MTNR1B: variants seen among roughly 807,000 people sequenced by gnomAD.
MTNR1B encodes melatonin receptor 1B.
In MTNR1B, 7 loss-of-function variants were observed where a neutral mutation model predicts 7.0. That is an observed-to-expected ratio of 1.00 (90% CI 0.57 to 1.88). The LOEUF is 1.88. MTNR1B is among the 40% of genes most tolerant of loss of function. The pLI is 0.00. For missense variants in MTNR1B, 478 were observed against 486.5 expected, an observed-to-expected ratio of 0.98 and a Z score of 0.16; for synonymous variants, 226 against 208.2, an observed-to-expected ratio of 1.09 and a Z score of -0.74.
chr11:92,976,479 A>T (rs1858010476), intron 1 of MTNR1B, among the ~76,000 whole-genome samples: 1 of 152,108 alleles, frequency 6.6e-6, no homozygotes, highest in Admixed American at 6.5e-5. Flanking sequence ...AGTGCTTGTT[A>T]TATGCCAGAT....
At chr11:92,982,945 C>T (rs12285499), downstream of MTNR1B, among the ~76,000 whole-genome samples, 2 of 93,158 alleles carry the variant, frequency 2.1e-5, no homozygotes, top group African/African-American at 8.8e-5. Context: ...CACCCCCCCC[C>T]CCCACACACA....
chr11:92,979,022 AT>A (rs1308629012), intron 1 of MTNR1B, among the ~76,000 whole-genome samples: 1 of 152,136 alleles, frequency 6.6e-6, no homozygotes, highest in Non-Finnish European at 1.5e-5. Context: ...GAGAGAAGTG[AT>A]TCTCTTCACA....
At chr11:92,977,087 T>TA (rs1491392687) in intron 1 of MTNR1B, among the ~76,000 whole-genome samples, 2 of 152,240 alleles carry the variant, frequency 1.3e-5, no homozygotes, top group Non-Finnish European at 2.9e-5. Context: ...TAAAGCATCT[T>TA]AGTTATGTTT....
chr11:92,978,785 T>G (rs1404467970), intron 1 of MTNR1B, among the ~76,000 whole-genome samples: 8 of 152,220 alleles, frequency 5.3e-5, no homozygotes, highest in African/African-American at 1.7e-4. Context: ...GAATGTGTTC[T>G]TCTTACTATT....
Position 92,982,750 on chromosome 11 carries a change from G to A in MTNR1B, c.*438G>A, listed in dbSNP as rs12792653. The stretch of plus-strand genomic sequence containing the variant: ...TCAGTAGGACTGGAACTTGGTAACT[G>A]CAAGGGCCTCAGGTGGGGCAGGTGC... On this transcript the variant is annotated 3_prime_UTR_variant, in exon 2 of 2. Coordinates refer to ENST00000257068, the MANE Select transcript of MTNR1B (RefSeq NM_005959.5). The A allele has an allele frequency of 0.55, 112,688 of 204,720 alleles. 31,883 individuals carry two copies. The highest frequency in any genetic ancestry group is 0.69 in the South Asian group (6,389 of 9,252). 12.7% of individuals were successfully genotyped at this position (204,720 alleles called of 1,614,324 possible).
rs777351825 is a variant in MTNR1B, at chr11:92,981,672, G to A, written c.449G>A (p.Arg150Gln). 4.5e-5 allele frequency: 73 copies of A among 1,614,002 alleles called. No homozygotes were observed. The highest frequency in any genetic ancestry group is 5.6e-5 in the Non-Finnish European group (66 of 1,180,032). Residue 150 changes from arginine to glutamine, a missense_variant, in exon 2 of 2, where the codon CGA becomes CAA. Arg to Gln is a conservative substitution (Grantham distance 43, BLOSUM62 1). Coordinates refer to ENST00000257068, the MANE Select transcript of MTNR1B (RefSeq NM_005959.5). ...CYICHSMAYH[R>Q]IYRRWHTPLH... ...ATCTGCCACAGCATGGCCTACCACCGAATCTACCGGCGCTGGCACACCCCT... is the reference window on the plus strand; with the variant it reads ...ATCTGCCACAGCATGGCCTACCACCAAATCTACCGGCGCTGGCACACCCCT...
chr11:92,976,244 A>C (rs1225540099), intron 1 of MTNR1B, among the ~76,000 whole-genome samples: 1 of 152,178 alleles, frequency 6.6e-6, no homozygotes, highest in Non-Finnish European at 1.5e-5. Flanking sequence ...AATTTAAAAT[A>C]CTTACTGCTG....
rs763511406 is a variant in MTNR1B at position 92,982,247 on chromosome 11, G to C, written c.1024G>C (p.Ala342Pro). Residue 342 changes from alanine to proline, a missense_variant, in exon 2 of 2, where the codon GCG (alanine) becomes CCG (proline). By Grantham distance (27) the Ala-to-Pro change is conservative. Coordinates refer to ENST00000257068, the MANE Select transcript of MTNR1B (RefSeq NM_005959.5). ...CIQDASKGSH[A>P]EGLQSPAPPI... Reference sequence around the variant, plus strand: ...TCAAGATGCTTCCAAGGGCAGCCACGCGGAGGGGCTGCAGAGCCCAGCTCC... The same window carrying C: ...TCAAGATGCTTCCAAGGGCAGCCACCCGGAGGGGCTGCAGAGCCCAGCTCC... The C allele has an allele frequency of 2.5e-6, 4 of 1,614,174 alleles. No individual in the cohort carries two copies. The highest frequency in any genetic ancestry group is 3.4e-6 in the Non-Finnish European group (4 of 1,180,018).
At position 92,969,738 on chromosome 11, in the gene MTNR1B, G is replaced by A. The variant is rs765511848; in HGVS notation, c.13G>A (p.Gly5Ser). Residue 5 changes from glycine to serine, a missense_variant, in exon 1 of 2, where the codon GGC becomes AGC. Transcript: ENST00000257068. ...GGGAGAGTCTGCGATGTCAGAGAAC[G>A]GCTCCTTCGCCAACTGCTGCGAGGC... MSENGSFANCCEAGG... is the reference protein window; with the variant it reads MSENSSFANCCEAGG... 5 of 1,485,030 alleles carry A rather than the reference G, an allele frequency of 3.4e-6. No individual in the cohort carries two copies. Among genetic ancestry groups the A allele is most frequent in the Admixed American group, 2.1e-5 (1 of 47,614 alleles). 92.0% of individuals were successfully genotyped at this position (1,485,030 alleles called of 1,614,324 possible).
intron 1 of MTNR1B, 71 bp from the exon 2 acceptor site, chr11:92,981,376 G>A: frequency 6.5e-7 from 1 of 1,531,760 alleles, no homozygotes; most frequent in Admixed American, 2.0e-5. Context: ...TAACTTCGTG[G>A]AGGGTAGGAT....
chr11:92,979,896 T>C (rs1051677854), intron 1 of MTNR1B, among the ~76,000 whole-genome samples: 1 of 152,082 alleles, frequency 6.6e-6, no homozygotes, highest in African/African-American at 2.4e-5. Flanking sequence ...AGGCAGTCCT[T>C]TTCCTACCCT....
rs1858102089 is a variant in MTNR1B at position 92,981,527 on chromosome 11, T to G, written c.304T>G (p.Phe102Val). The G allele has an allele frequency of 6.2e-7, 1 of 1,614,176 alleles. No homozygotes were observed. Among genetic ancestry groups the G allele is most frequent in the Non-Finnish European group, 8.5e-7 (1 of 1,180,028 alleles). The change falls in exon 2 of 2, where the codon TTC (phenylalanine) becomes GTC (valine). Residue 102 changes from phenylalanine to valine, a missense_variant. Phe to Val is a conservative substitution (Grantham distance 50). Coordinates refer to ENST00000257068, the MANE Select transcript of MTNR1B (RefSeq NM_005959.5). ...YPYPLILVAIFYDGWALGEEH... is the reference protein window; with the variant it reads ...YPYPLILVAIVYDGWALGEEH... ...CTACCCGCTAATCCTCGTGGCCATC[T>G]TCTATGACGGCTGGGCCCTGGGGGA...
intron 1 of MTNR1B, among the ~76,000 whole-genome samples, chr11:92,976,025 A>G (rs938378075): frequency 3.9e-5 from 6 of 152,238 alleles, no homozygotes; most frequent in Non-Finnish European, 8.8e-5. Flanking sequence ...GCAAAAATGA[A>G]CAGTTTTTAA....
intron 1 of MTNR1B, among the ~76,000 whole-genome samples, chr11:92,977,495 T>A (rs542102457): frequency 7.9e-5 from 12 of 152,356 alleles, no homozygotes; most frequent in African/African-American, 2.9e-4. Context: ...CAACATCTTA[T>A]TTGAGGTAAA....
intron 1 of MTNR1B, among the ~76,000 whole-genome samples, chr11:92,973,378 T>G (rs11020125): frequency 0.065 from 9,898 of 152,190 alleles, 717 homozygotes; most frequent in African/African-American, 0.18. Flanking sequence ...GCCAAGAGTT[T>G]CCCTGTCTTC....
chr11:92,982,050 T>C lies in MTNR1B; in HGVS notation c.827T>C (p.Ile276Thr). 1 of 1,614,206 alleles carries C rather than the reference T, an allele frequency of 6.2e-7. No homozygotes were observed. The highest frequency in any genetic ancestry group is 1.1e-5 in the South Asian group (1 of 91,084). The change falls in exon 2 of 2, where the codon ATC (isoleucine) becomes ACC (threonine). Residue 276 changes from isoleucine (I) to threonine (T), a missense_variant. Physicochemically the swap from Ile to Thr is moderately conservative, Grantham distance 89. Coordinates refer to ENST00000257068, the MANE Select transcript of MTNR1B (RefSeq NM_005959.5). ...PLNCIGLAVA[I>T]NPQEMAPQIP... The stretch of plus-strand genomic sequence containing the variant: ...AACTGCATCGGCCTCGCTGTGGCCA[T>C]CAACCCCCAAGAAATGGCTCCCCAG...
At chr11:92,979,308 A>G (rs1185807112) in intron 1 of MTNR1B, among the ~76,000 whole-genome samples, 1 of 152,188 alleles carries the variant, frequency 6.6e-6, no homozygotes, top group Non-Finnish European at 1.5e-5. Flanking sequence ...TGTTCTTGGA[A>G]CCAAGTGAGG....
chr11:92,974,434 T>G (rs1329528238), intron 1 of MTNR1B, among the ~76,000 whole-genome samples: 1 of 152,224 alleles, frequency 6.6e-6, no homozygotes, highest in Non-Finnish European at 1.5e-5. Context: ...CTTTCTTTTG[T>G]AAGTTGTACA....
chr11:92,972,274 A>G (rs968104823), intron 1 of MTNR1B, among the ~76,000 whole-genome samples: 3 of 152,220 alleles, frequency 2.0e-5, no homozygotes, highest in South Asian at 2.1e-4. Flanking sequence ...ATGAGAATAC[A>G]TATATTTCCA....
Sources: allele counts gnomAD v4.1 joint callset (sites outside exome capture counted in the v4.1 genomes callset), GRCh38; gene constraint gnomAD v4.1.1; transcripts MANE v1.5; gene names NCBI Gene and HGNC (gene_info 2026-07-23, HGNC 2026-07-21).